The following NACC2 variants were observed in gnomAD, a reference collection of about 807,000 sequenced individuals.
NACC2 encodes NACC family member 2, also known as nucleus accumbens-associated protein 2.
A neutral mutation model predicts 25.1 loss-of-function variants in NACC2; 8 were observed. That is an observed-to-expected ratio of 0.32 (90% confidence interval 0.19 to 0.57). NACC2 has a LOEUF of 0.57. Among genes scored for constraint, NACC2 ranks in the 20% least tolerant of loss-of-function variants. NACC2 has a pLI of 0.89. For synonymous variants in NACC2, 435 were observed against 294.7 expected, an observed-to-expected ratio of 1.48 and a Z score of -4.88; for missense variants, 644 against 650.2, an observed-to-expected ratio of 0.99 and a Z score of 0.10.
chr9:136,085,588 G>A (rs1433349590), intron 1 of NACC2, among the ~76,000 whole-genome samples: 1 of 152,174 alleles, frequency 6.6e-6, no homozygotes, highest in African/African-American at 2.4e-5. Flanking sequence ...GCTGGTGTAA[G>A]GCCAGGAGGG....
intron 3 of NACC2, among the ~76,000 whole-genome samples, chr9:136,015,202 GATGACCGAGAGC>G (rs1438175943): frequency 6.6e-6 from 1 of 152,210 alleles, no homozygotes; most frequent in Non-Finnish European, 1.5e-5. Flanking sequence ...TGGAGGCTGG[GATGACCGAGAGC>G]ATCTTCCTGG....
intron 2 of NACC2, among the ~76,000 whole-genome samples, chr9:136,024,305 CAG>C (rs1487279256): frequency 1.4e-4 from 8 of 56,200 alleles, no homozygotes; most frequent in Admixed American, 1.4e-3. Flanking sequence ...TGTGTGAGGA[CAG>C]AGGGTTTGTG....
chr9:136,020,824 G>A lies in NACC2; in HGVS notation c.887-4395C>T, dbSNP rs907190700. Reference sequence around the variant, plus strand: ...CATGCTCGATTGGCTTTTGACAAAGGTGCACCAGCCTTTGTCAACGGAGGA... The same window carrying A: ...CATGCTCGATTGGCTTTTGACAAAGATGCACCAGCCTTTGTCAACGGAGGA... On this transcript the variant is annotated intron_variant, in intron 2 of 5. Transcript: ENST00000277554. The surrounding 1 kb of genome is among the most constrained non-coding windows in gnomAD (Gnocchi z 4.7). Among the ~76,000 whole-genome samples, 5 of 152,112 alleles carry A rather than the reference G, an allele frequency of 3.3e-5. No homozygotes were observed. The highest frequency in any genetic ancestry group is 7.3e-5 in the Non-Finnish European group (5 of 68,038).
chr9:136,049,490 A>G, intron 2 of NACC2, 146 bp downstream of exon 2: 1 of 597,502 alleles, frequency 1.7e-6, no homozygotes, highest in Non-Finnish European at 3.0e-6. Context: ...CATGGTGAAC[A>G]GAGCTCTGCC....
intron 2 of NACC2, among the ~76,000 whole-genome samples, chr9:136,030,391 C>T (rs553581224): frequency 5.3e-5 from 8 of 152,096 alleles, no homozygotes; most frequent in South Asian, 4.2e-4. Context: ...AGGCAGATCA[C>T]GAGGTCAGGA....
chr9:136,057,213 A>G (rs1840938723), intron 1 of NACC2, among the ~76,000 whole-genome samples: 1 of 152,242 alleles, frequency 6.6e-6, no homozygotes. Flanking sequence ...TGACCCAAGC[A>G]GCCACGGCTC....
intron 2 of NACC2, among the ~76,000 whole-genome samples, chr9:136,042,879 C>T (rs1195553339): frequency 6.7e-6 from 1 of 149,052 alleles, no homozygotes; most frequent in Non-Finnish European, 1.5e-5. Context: ...CAAACAGACA[C>T]ACACACAGAC....
chr9:136,065,196 A>C (rs1461964351), intron 1 of NACC2, among the ~76,000 whole-genome samples: 1 of 152,246 alleles, frequency 6.6e-6, no homozygotes, highest in African/African-American at 2.4e-5. Flanking sequence ...AAAGGAAAGA[A>C]CAAACCAGAC....
intron 1 of NACC2, among the ~76,000 whole-genome samples, chr9:136,082,591 C>T (rs1026697948): frequency 6.6e-6 from 1 of 152,326 alleles, no homozygotes; most frequent in South Asian, 2.1e-4. Flanking sequence ...AGAGCCGAGG[C>T]GTCTTAGCAG....
At chr9:136,057,800 G>A (rs143801089) in intron 1 of NACC2, among the ~76,000 whole-genome samples, 6 of 152,298 alleles carry the variant, frequency 3.9e-5, no homozygotes, top group South Asian at 2.1e-4. Context: ...AGCAGCTGTG[G>A]CCTGATCATC....
intron 1 of NACC2, among the ~76,000 whole-genome samples, chr9:136,089,788 T>A (rs1169941924): frequency 6.6e-6 from 1 of 151,768 alleles, no homozygotes; most frequent in Non-Finnish European, 1.5e-5. Context: ...TTTTTCTTTT[T>A]TATTAAAAAA....
Position 136,011,306 on chromosome 9 carries a change from G to T in NACC2, c.*210C>A. On this transcript the variant is annotated 3_prime_UTR_variant, in exon 6 of 6. Coordinates refer to ENST00000277554, the MANE Select transcript of NACC2 (RefSeq NM_144653.5). ...AAAAGGGAGCCCTGGGAACTTCCTC[G>T]CAGGAGGCTGCCAGTGGCCTAATTG... 2 of 462,260 alleles carry T rather than the reference G, an allele frequency of 4.3e-6. No individual in the cohort carries two copies. Among genetic ancestry groups the T allele is most frequent in the Non-Finnish European group, 6.8e-6 (2 of 294,410 alleles). 28.6% of individuals were successfully genotyped at this position (462,260 alleles called of 1,614,324 possible). A position where few individuals can be genotyped will look rare whatever the true frequency, so the allele number is the denominator to read the frequency against.
At chr9:136,083,028 A>G (rs936580245) in intron 1 of NACC2, among the ~76,000 whole-genome samples, 38 of 152,216 alleles carry the variant, frequency 2.5e-4, no homozygotes, top group African/African-American at 7.5e-4. Flanking sequence ...CTACACTCAC[A>G]TGAAAGCGAC....
At chr9:136,071,319 C>T (rs1841148462) in intron 1 of NACC2, among the ~76,000 whole-genome samples, 3 of 149,874 alleles carry the variant, frequency 2.0e-5, no homozygotes, top group Admixed American at 6.6e-5. Context: ...TCAAGGCTGG[C>T]AGATCACGAG....
Position 136,009,225 on chromosome 9 carries a change from A to C in NACC2, c.*2291T>G, listed in dbSNP as rs1840067627. 6.6e-6 allele frequency: 1 copy of C among 152,298 alleles called. No individual in the cohort carries two copies. The highest frequency in any genetic ancestry group is 1.5e-5 in the Non-Finnish European group (1 of 68,118). 9.4% of individuals were successfully genotyped at this position (152,298 alleles called of 1,614,324 possible). On this transcript the variant is annotated 3_prime_UTR_variant, in exon 6 of 6. Transcript: ENST00000277554. Reference sequence around the variant, plus strand: ...ACTCAAGTGCAGCTCAACCTCACCTACCTGCCCCTGCTCCACCCCGCGGCT... The same window carrying C: ...ACTCAAGTGCAGCTCAACCTCACCTCCCTGCCCCTGCTCCACCCCGCGGCT...
rs990741616 is a variant in NACC2, at chr9:136,049,786, G to A, written c.736C>T (p.Arg246Trp). 5.2e-6 allele frequency: 4 copies of A among 769,208 alleles called. No homozygotes were observed. Among genetic ancestry groups the A allele is most frequent in the Middle Eastern group, 3.0e-4 (1 of 3,310 alleles). The allele number at this position is 769,208 out of a possible 1,614,324, so 47.6% of individuals were successfully genotyped here. The change falls in exon 2 of 6, where the codon CGG becomes TGG. Residue 246 changes from arginine (R) to tryptophan (W), a missense_variant. Coordinates refer to ENST00000277554, the MANE Select transcript of NACC2 (RefSeq NM_144653.5). ...AGGCTGCTGGCGCCTGGACTGGTCC[G>A]CTCCCCCTGGGGGTAGGGCATCTGC... ...IQQMPYPQGE[R>W]TSPGASSLPT... is the part of the protein sequence containing the mutation.
intron 1 of NACC2, among the ~76,000 whole-genome samples, chr9:136,072,124 G>A (rs1304346132): frequency 1.3e-5 from 2 of 152,160 alleles, no homozygotes; most frequent in Non-Finnish European, 2.9e-5. Flanking sequence ...TATAATCCCA[G>A]CCACTCGGGA....
chr9:136,007,369 GCA>G lies in NACC2; in HGVS notation c.*4145_*4146del, dbSNP rs985190334. ...CGTGCACACACACAGACACACGCGT[GCA>G]CACATACACAGACACGCGTGCAGAG... On this transcript the variant is annotated 3_prime_UTR_variant, in exon 6 of 6. Coordinates refer to ENST00000277554, the MANE Select transcript of NACC2 (RefSeq NM_144653.5). 2 of 151,440 alleles carry G rather than the reference GCA, an allele frequency of 1.3e-5. No individual in the cohort carries two copies. The highest frequency in any genetic ancestry group is 2.4e-5 in the African/African-American group (1 of 41,012). 9.4% of individuals were successfully genotyped at this position (151,440 alleles called of 1,614,324 possible). A position where few individuals can be genotyped will look rare whatever the true frequency, so the allele number is the denominator to read the frequency against.
intron 1 of NACC2, among the ~76,000 whole-genome samples, chr9:136,054,220 T>G (rs1840889919): frequency 1.3e-5 from 2 of 152,196 alleles, no homozygotes; most frequent in Non-Finnish European, 2.9e-5. Flanking sequence ...CAGTTCGGCC[T>G]GCGTCCGCAC....
Sources: gnomAD v4.1 joint callset for allele counts (sites outside exome capture counted in the v4.1 genomes callset) on GRCh38, gnomAD v4.1.1 for gene constraint, Gnocchi (gnomAD v3.1) non-coding constraint, MANE v1.5 for transcripts, NCBI Gene and HGNC (gene_info 2026-07-23, HGNC 2026-07-21) for gene names.